The following FRAS1 variants were observed in gnomAD, a reference collection of about 807,000 sequenced individuals.
FRAS1 encodes the protein Fraser extracellular matrix complex subunit 1, also known as extracellular matrix organizing protein FRAS1.
A neutral mutation model predicts 435.2 loss-of-function variants in FRAS1; 290 were observed. That is an observed-to-expected ratio of 0.67 (90% confidence interval 0.61 to 0.73). FRAS1 has a LOEUF of 0.73. Among genes scored for constraint, FRAS1 ranks in the 30% least tolerant of loss-of-function variants. FRAS1 has a pLI of 0.00. For synonymous variants in FRAS1, 1,800 were observed against 1,851.0 expected (o/e 0.97, Z 0.71); for missense variants, 4,860 against 5,001.5 (o/e 0.97, Z 0.85).
chr4:78,058,316 C>T (rs1194273306), intron 1 of FRAS1, among the ~76,000 whole-genome samples: 4 of 152,098 alleles, frequency 2.6e-5, no homozygotes, highest in Non-Finnish European at 5.9e-5. Context: ...GCCTCCCTCT[C>T]TGCCCTAAGT....
chr4:78,293,962 C>A (rs182784827), intron 14 of FRAS1, among the ~76,000 whole-genome samples: 11 of 152,342 alleles, frequency 7.2e-5, no homozygotes, highest in Non-Finnish European at 1.2e-4. Context: ...GTTTATCTTT[C>A]AGACAGATCC....
At chr4:78,526,284 CT>C (rs1374673165) in intron 69 of FRAS1, among the ~76,000 whole-genome samples, 1 of 152,196 alleles carries the variant, frequency 6.6e-6, no homozygotes, top group Non-Finnish European at 1.5e-5. Flanking sequence ...GTCTGCCTTT[CT>C]TAGCTTTCCT....
At chr4:78,373,620 A>C (rs1191984074) in intron 24 of FRAS1, among the ~76,000 whole-genome samples, 1 of 151,808 alleles carries the variant, frequency 6.6e-6, no homozygotes, top group East Asian at 1.9e-4. Flanking sequence ...TCTACTAAAA[A>C]TACAAAATTA....
chr4:78,106,163 G>T (rs899764897), intron 2 of FRAS1, among the ~76,000 whole-genome samples: 6 of 94,400 alleles, frequency 6.4e-5, no homozygotes, highest in East Asian at 2.5e-4. Flanking sequence ...CGGCAACTAG[G>T]CTGGGGGAGG....
chr4:78,098,200 C>G lies in FRAS1; in HGVS notation c.108+32184C>G, dbSNP rs143571841. 6.7e-4 allele frequency among the ~76,000 whole-genome samples: 102 copies of G among 152,138 alleles called. 3 individuals carry two copies. The highest frequency in any genetic ancestry group is 2.3e-3 in the African/African-American group (97 of 41,500). Reference sequence around the variant, plus strand: ...TTTTGCCTTTTTCCCCATGTCTCTCCTCCCACTGTTTTCTTGCCACTCTGG... The same window carrying G: ...TTTTGCCTTTTTCCCCATGTCTCTCGTCCCACTGTTTTCTTGCCACTCTGG... On this transcript the variant is annotated intron_variant, in intron 2 of 73. Transcript: ENST00000512123.
chr4:78,120,955 G>A (rs1718981673), intron 2 of FRAS1, among the ~76,000 whole-genome samples: 1 of 152,174 alleles, frequency 6.6e-6, no homozygotes, highest in Admixed American at 6.5e-5. Context: ...TTGAAATGTA[G>A]CTTCTTAACC....
At chr4:78,189,642 C>G (rs962540721) in intron 2 of FRAS1, among the ~76,000 whole-genome samples, 1 of 152,286 alleles carries the variant, frequency 6.6e-6, no homozygotes, top group East Asian at 1.9e-4. Flanking sequence ...TCTCATTCGG[C>G]TCTATGGTTC....
chr4:78,445,362 G>A (rs1471709894), intron 41 of FRAS1, among the ~76,000 whole-genome samples, 160 bp from the exon 42 acceptor site: 1 of 152,146 alleles, frequency 6.6e-6, no homozygotes, highest in African/African-American at 2.4e-5. Flanking sequence ...TCTGACCCAG[G>A]CCTTCCAATT....
chr4:78,066,105 T>C lies in FRAS1; in HGVS notation c.108+89T>C, dbSNP rs1560504839. The stretch of plus-strand genomic sequence containing the variant: ...TGAGTGAGTGAGTTGACCCTATCAT[T>C]GTAGAATATGTTTATTTTTCTTCAA... On this transcript the variant is annotated intron_variant, in intron 2 of 73. Transcript: ENST00000512123. The C allele has an allele frequency of 3.7e-5, 32 of 868,142 alleles. 1 individual carries two copies. Among genetic ancestry groups the C allele is most frequent in the Non-Finnish European group, 3.3e-5 (17 of 521,224 alleles). The allele number at this position is 868,142 out of a possible 1,614,324, so 53.8% of individuals were successfully genotyped here. A position where few individuals can be genotyped will look rare whatever the true frequency, so the allele number is the denominator to read the frequency against.
At chr4:78,505,248 A>T (rs1720798639) in intron 61 of FRAS1, among the ~76,000 whole-genome samples, 11 of 151,962 alleles carry the variant, frequency 7.2e-5, no homozygotes, top group Admixed American at 7.2e-4. Context: ...TGTTCTCTGT[A>T]TTTCCTCAAT....
chr4:78,065,081 T>TATATATATATATATATACACACAC (rs762909923), intron 1 of FRAS1, among the ~76,000 whole-genome samples: 3,733 of 124,626 alleles, frequency 0.03, 99 homozygotes, highest in East Asian at 0.047. Flanking sequence ...TATATATATA[T>TATATATATATATATATACACACAC]ATACATACAC....
At chr4:78,192,599 C>T (rs1722593920) in intron 2 of FRAS1, among the ~76,000 whole-genome samples, 1 of 152,166 alleles carries the variant, frequency 6.6e-6, no homozygotes, top group East Asian at 1.9e-4. Flanking sequence ...GTTTGTATTT[C>T]TGTGGGATAG....
chr4:78,531,915 G>A (rs1721727389), intron 70 of FRAS1, among the ~76,000 whole-genome samples: 1 of 152,048 alleles, frequency 6.6e-6, no homozygotes, highest in African/African-American at 2.4e-5. Flanking sequence ...AGGATTTTAG[G>A]CCTCTCCTTT....
At chr4:78,120,788 T>C (rs1718969345) in intron 2 of FRAS1, among the ~76,000 whole-genome samples, 2 of 152,210 alleles carry the variant, frequency 1.3e-5, no homozygotes, top group African/African-American at 2.4e-5. Context: ...ATTCCTAGGC[T>C]TTCTCTCCCA....
chr4:78,416,233 A>G (rs1733548453), intron 32 of FRAS1, among the ~76,000 whole-genome samples: 2 of 151,986 alleles, frequency 1.3e-5, no homozygotes, highest in Admixed American at 1.3e-4. Context: ...TAAGATATAA[A>G]GTAGAATGTA....
At chr4:78,464,700 C>T in intron 49 of FRAS1, 117 bp downstream of exon 49, 2 of 1,085,384 alleles carry the variant, frequency 1.8e-6, no homozygotes, top group Non-Finnish European at 2.6e-6. Context: ...TGAGTGCAAG[C>T]ATCCTTGAAG....
chr4:78,513,666 T>C (rs17470002), intron 65 of FRAS1, 114 bp downstream of exon 65: 147,785 of 940,148 alleles, frequency 0.16, 14,030 homozygotes, highest in Non-Finnish European at 0.19. Context: ...AGAATCCACA[T>C]ATTAGTGGTT....
In FRAS1 at chr4:78,123,727, C is replaced by A. The variant is rs993996939; in HGVS notation, c.108+57711C>A. The stretch of plus-strand genomic sequence containing the variant: ...AAGTTGGATTCCTAGGTATTTTATT[C>A]TCTTAGTAGCAATTGTGAATGGGAG... On this transcript the variant is annotated intron_variant, in intron 2 of 73. Transcript: ENST00000512123. 4.6e-5 allele frequency among the ~76,000 whole-genome samples: 7 copies of A among 152,222 alleles called. No homozygotes were observed. The East Asian group carries it at 1.3e-3, about 29-fold the overall frequency.
chr4:78,120,129 AG>A (rs1256865213), intron 2 of FRAS1, among the ~76,000 whole-genome samples: 7 of 152,330 alleles, frequency 4.6e-5, no homozygotes, highest in Admixed American at 3.9e-4. Flanking sequence ...TGGAATTGGC[AG>A]CATGTTTGGT....
Sources: gnomAD v4.1 joint callset for allele counts (sites outside exome capture counted in the v4.1 genomes callset) on GRCh38, gnomAD v4.1.1 for gene constraint, MANE v1.5 for transcripts, NCBI Gene and HGNC (gene_info 2026-07-23, HGNC 2026-07-21) for gene names.